The following PCK2 variants were observed in gnomAD, a reference collection of about 807,000 sequenced individuals.
PCK2 encodes phosphoenolpyruvate carboxykinase 2, mitochondrial, also known as phosphoenolpyruvate carboxykinase [GTP], mitochondrial.
Under a neutral mutation model 65.9 loss-of-function variants are expected in PCK2, and 56 were observed. The observed-to-expected ratio is 0.85, with a 90% confidence interval of 0.69 to 1.06. PCK2 has a LOEUF of 1.06. Among genes scored for constraint, PCK2 ranks in the 50% least tolerant of loss-of-function variants. The pLI is 0.00. For synonymous variants in PCK2, 305 were observed against 319.6 expected (o/e 0.95, Z 0.49); for missense variants, 843 against 863.1 (o/e 0.98, Z 0.29).
At position 24,094,556 on chromosome 14, in the gene PCK2, C is replaced by A; in HGVS notation, c.29+122C>A. Reference sequence around the variant, plus strand: ...GTTTCCCATCCTAGGCGGAGGCGGGCAGGGGCGACTGCTGTGGGTCCAGCC... The same window carrying A: ...GTTTCCCATCCTAGGCGGAGGCGGGAAGGGGCGACTGCTGTGGGTCCAGCC... On this transcript the variant is annotated intron_variant, in intron 1 of 9. Transcript: ENST00000216780. The surrounding 1 kb of genome is among the most constrained non-coding windows in gnomAD (Gnocchi z 4.1). 1 of 1,441,128 alleles carries A rather than the reference C, an allele frequency of 6.9e-7. No homozygotes were observed. Among genetic ancestry groups the A allele is most frequent in the Non-Finnish European group, 9.1e-7 (1 of 1,101,654 alleles). The allele number at this position is 1,441,128 out of a possible 1,614,324, so 89.3% of individuals were successfully genotyped here. A position where few individuals can be genotyped will look rare whatever the true frequency, so the allele number is the denominator to read the frequency against.
Position 24,094,367 on chromosome 14 carries a change from C to G in PCK2, c.-39C>G. The G allele has an allele frequency of 6.5e-7, 1 of 1,533,996 alleles. No individual in the cohort carries two copies. Among genetic ancestry groups the G allele is most frequent in the Non-Finnish European group, 8.8e-7 (1 of 1,140,846 alleles). The stretch of plus-strand genomic sequence containing the variant: ...CGCCTTCCATACCTCCCCGGCTCCG[C>G]TCGGTTCCTGGCCACCCCGCAGCCC... On this transcript the variant is annotated 5_prime_UTR_variant, in exon 1 of 10. Coordinates refer to ENST00000216780, the MANE Select transcript of PCK2 (RefSeq NM_004563.4). This position sits in a 1 kb window ranked among gnomAD's most constrained non-coding sequence, Gnocchi z 4.1.
chr14:24,097,564 C>CA (rs61077083), intron 2 of PCK2, among the ~76,000 whole-genome samples: 14 of 138,922 alleles, frequency 1.0e-4, no homozygotes, highest in Admixed American at 2.9e-4. Flanking sequence ...AACTCTGTCT[C>CA]AAAAAAAAAA....
At chr14:24,098,743 T>C in intron 4 of PCK2, 65 bp downstream of exon 4, 1 of 1,358,226 alleles carries the variant, frequency 7.4e-7, no homozygotes, top group Non-Finnish European at 1.0e-6. Flanking sequence ...AAATCCCAAA[T>C]CCTACCTCTC....
At position 24,094,340 on chromosome 14, in the gene PCK2, C is replaced by T; in HGVS notation, c.-66C>T. 6.8e-7 allele frequency: 1 copy of T among 1,466,772 alleles called. No individual in the cohort carries two copies. The highest frequency in any genetic ancestry group is 9.2e-7 in the Non-Finnish European group (1 of 1,085,194). The allele number at this position is 1,466,772 out of a possible 1,614,324, so 90.9% of individuals were successfully genotyped here. A position where few individuals can be genotyped will look rare whatever the true frequency, so the allele number is the denominator to read the frequency against. ...CTCGCTTCGCCGCGCTCCCTCCTTCCCCGCCTTCCATACCTCCCCGGCTCC... is the reference window on the plus strand; with the variant it reads ...CTCGCTTCGCCGCGCTCCCTCCTTCTCCGCCTTCCATACCTCCCCGGCTCC... On this transcript the variant is annotated 5_prime_UTR_variant, in exon 1 of 10. Transcript: ENST00000216780. This position sits in a 1 kb window ranked among gnomAD's most constrained non-coding sequence, Gnocchi z 4.1.
At position 24,094,505 on chromosome 14, in the gene PCK2, G is replaced by T. The variant is rs944054659; in HGVS notation, c.29+71G>T. 2 of 1,457,492 alleles carry T rather than the reference G, an allele frequency of 1.4e-6. No individual in the cohort carries two copies. The highest frequency in any genetic ancestry group is 2.6e-5 in the East Asian group (1 of 39,164). The allele number at this position is 1,457,492 out of a possible 1,614,324, so 90.3% of individuals were successfully genotyped here. ...TCGCCCCCTCGGGGCTGCCAGTGGC[G>T]CTCTCCTGCTCTCAGCCTCCGCCAG... On this transcript the variant is annotated intron_variant, in intron 1 of 9. Coordinates refer to ENST00000216780, the MANE Select transcript of PCK2 (RefSeq NM_004563.4). The surrounding 1 kb of genome is among the most constrained non-coding windows in gnomAD (Gnocchi z 4.1).
Position 24,103,916 on chromosome 14 carries a change from G to A in PCK2, c.1875G>A (p.Glu625=), listed in dbSNP as rs2037277446. Reference sequence around the variant, plus strand: ...AGGTCAACCAGGATCTGCCCAAAGAGGTGTTGGCTGAGCTTGAGGCCCTGG... The same window carrying A: ...AGGTCAACCAGGATCTGCCCAAAGAAGTGTTGGCTGAGCTTGAGGCCCTGG... ...TEQVNQDLPK[E]VLAELEALER... Residue 625 remains glutamate (E), a synonymous_variant, in exon 10 of 10, where the codon GAG becomes GAA. Transcript: ENST00000216780. 1.2e-6 allele frequency: 2 copies of A among 1,614,122 alleles called. No individual in the cohort carries two copies. Among genetic ancestry groups the A allele is most frequent in the Non-Finnish European group, 8.5e-7 (1 of 1,180,040 alleles).
intron 7 of PCK2, 96 bp downstream of exon 7, chr14:24,100,309 T>G (rs1362561376): frequency 6.5e-7 from 1 of 1,535,328 alleles, no homozygotes; most frequent in Non-Finnish European, 8.7e-7. Context: ...CTTCTAGGAC[T>G]GCCAGGAGGC....
Position 24,104,118 on chromosome 14 carries a change from CT to C in PCK2, c.*155del, listed in dbSNP as rs892260032. Reference sequence around the variant, plus strand: ...CTGTCCAATAATAAGAGATGCTTATCTATTTTACACAAGATTTGTGCTGTTT... The same window carrying C: ...CTGTCCAATAATAAGAGATGCTTATCATTTTACACAAGATTTGTGCTGTTT... On this transcript the variant is annotated 3_prime_UTR_variant, in exon 10 of 10. Transcript: ENST00000216780. 1.3e-5 allele frequency: 8 copies of C among 618,280 alleles called. No homozygotes were observed. The African/African-American group carries it at 1.5e-4, about 11-fold the overall frequency. The allele number at this position is 618,280 out of a possible 1,614,324, so 38.3% of individuals were successfully genotyped here. A position where few individuals can be genotyped will look rare whatever the true frequency, so the allele number is the denominator to read the frequency against.
At position 24,099,177 on chromosome 14, in the gene PCK2, G is replaced by T. The variant is rs772326322; in HGVS notation, c.793G>T (p.Ala265Ser). 6.2e-7 allele frequency: 1 copy of T among 1,608,690 alleles called. No homozygotes were observed. The highest frequency in any genetic ancestry group is 1.7e-5 in the Admixed American group (1 of 60,014). ...GNSLLGKKCF[A>S]LRIASRLARD... is the part of the protein sequence containing the mutation. ...CTCCCTGCTGGGCAAGAAGTGCTTT[G>T]CCCTACGCATCGCCTCTCGGCTGGC... is the stretch of plus-strand genomic sequence containing the variant. The change falls in exon 5 of 10, where the codon GCC (alanine) becomes TCC (serine). Residue 265 changes from alanine to serine, a missense_variant. By Grantham distance (99) the Ala-to-Ser change is moderately conservative. Transcript: ENST00000216780.
chr14:24,098,718 T>G (rs750332778), intron 4 of PCK2, 40 bp downstream of exon 4: 1 of 1,553,402 alleles, frequency 6.4e-7, no homozygotes, highest in Non-Finnish European at 8.9e-7. Flanking sequence ...ACAGAGGCCT[T>G]CTTGTACTCA....
At position 24,102,886 on chromosome 14, in the gene PCK2, C is replaced by T. The variant is rs945299391; in HGVS notation, c.1368C>T (p.Pro456=). ...CCATCATCTTTGGTGGCCGCAGACC[C>T]AAAGGTAAACAACATATGAGCTCCA... is the stretch of plus-strand genomic sequence containing the variant. The part of the protein sequence containing the change: ...IDAIIFGGRR[P]KGVPLVYEAF... The change falls in exon 8 of 10, where the codon CCC becomes CCT. Residue 456 remains proline (P), a synonymous_variant. Coordinates refer to ENST00000216780, the MANE Select transcript of PCK2 (RefSeq NM_004563.4). The T allele has an allele frequency of 1.2e-6, 2 of 1,613,220 alleles. No homozygotes were observed. The highest frequency in any genetic ancestry group is 1.7e-6 in the Non-Finnish European group (2 of 1,179,718).
rs1369414793 is a variant in PCK2, at chr14:24,094,720, CCT to C, written c.29+291_29+292del. 1 of 1,501,232 alleles carries C rather than the reference CCT, an allele frequency of 6.7e-7. No homozygotes were observed. The highest frequency in any genetic ancestry group is 2.0e-5 in the Admixed American group (1 of 49,672). The allele number at this position is 1,501,232 out of a possible 1,614,324, so 93.0% of individuals were successfully genotyped here. A position where few individuals can be genotyped will look rare whatever the true frequency, so the allele number is the denominator to read the frequency against. ...TCAGAACTTCCTCTCTCTCCTCGCT[CCT>C]CTCTGCTGAGCCAGGTCTCCGCATA... On this transcript the variant is annotated intron_variant, in intron 1 of 9. Transcript: ENST00000216780. This position sits in a 1 kb window ranked among gnomAD's most constrained non-coding sequence, Gnocchi z 4.1.
In PCK2 at chr14:24,104,067, A is replaced by C. The variant is rs1039395017; in HGVS notation, c.*103A>C. The C allele has an allele frequency of 8.0e-6, 6 of 750,618 alleles. No individual in the cohort carries two copies. In the African/African-American group the frequency reaches 1.0e-4, roughly 13 times the overall value. The allele number at this position is 750,618 out of a possible 1,614,324, so 46.5% of individuals were successfully genotyped here. A position where few individuals can be genotyped will look rare whatever the true frequency, so the allele number is the denominator to read the frequency against. Reference sequence around the variant, plus strand: ...AATTTGATATTAACTAACATCTTCAATGTGCCATAGACCTTCCCACAAAGA... The same window carrying C: ...AATTTGATATTAACTAACATCTTCACTGTGCCATAGACCTTCCCACAAAGA... On this transcript the variant is annotated 3_prime_UTR_variant, in exon 10 of 10. Coordinates refer to ENST00000216780, the MANE Select transcript of PCK2 (RefSeq NM_004563.4).
In PCK2 at chr14:24,094,733, C is replaced by G. The variant is rs1442994355; in HGVS notation, c.29+299C>G. 4.7e-6 allele frequency: 7 copies of G among 1,486,248 alleles called. No homozygotes were observed. In the South Asian group the frequency reaches 8.5e-5, roughly 18 times the overall value. The allele number at this position is 1,486,248 out of a possible 1,614,324, so 92.1% of individuals were successfully genotyped here. ...TCTCTCCTCGCTCCTCTCTGCTGAGCCAGGTCTCCGCATATCCTCCTTTCC... is the reference window on the plus strand; with the variant it reads ...TCTCTCCTCGCTCCTCTCTGCTGAGGCAGGTCTCCGCATATCCTCCTTTCC... On this transcript the variant is annotated intron_variant, in intron 1 of 9. Coordinates refer to ENST00000216780, the MANE Select transcript of PCK2 (RefSeq NM_004563.4). The surrounding 1 kb of genome is among the most constrained non-coding windows in gnomAD (Gnocchi z 4.1).
rs767344259 is a variant in PCK2 at position 24,099,270 on chromosome 14, G to C, written c.852+34G>C. On this transcript the variant is annotated intron_variant, in intron 5 of 9. Coordinates refer to ENST00000216780, the MANE Select transcript of PCK2 (RefSeq NM_004563.4). The stretch of plus-strand genomic sequence containing the variant: ...CTGGTGAGAAGCAGGGCAGCTGCCG[G>C]GGACAGGGCAGGGGTGGGGCCTGGC... The C allele has an allele frequency of 3.8e-6, 6 of 1,570,820 alleles. No homozygotes were observed. The East Asian group carries it at 1.4e-4, about 36-fold the overall frequency.
Position 24,094,753 on chromosome 14 carries a change from C to T in PCK2, c.29+319C>T. The T allele has an allele frequency of 1.4e-6, 2 of 1,457,976 alleles. No individual in the cohort carries two copies. Among genetic ancestry groups the T allele is most frequent in the Non-Finnish European group, 1.8e-6 (2 of 1,097,188 alleles). 90.3% of individuals were successfully genotyped at this position (1,457,976 alleles called of 1,614,324 possible). On this transcript the variant is annotated intron_variant, in intron 1 of 9. Coordinates refer to ENST00000216780, the MANE Select transcript of PCK2 (RefSeq NM_004563.4). The surrounding 1 kb of genome is among the most constrained non-coding windows in gnomAD (Gnocchi z 4.1). ...CTGAGCCAGGTCTCCGCATATCCTC[C>T]TTTCCTTCCCAGATACCTCCCTCGG...
At chr14:24,103,298 A>ACAGGAGAG in intron 9 of PCK2, 43 bp downstream of exon 9, 1 of 1,489,486 alleles carries the variant, frequency 6.7e-7, no homozygotes, top group Non-Finnish European at 9.3e-7. Context: ...GTGTGCACAC[A>ACAGGAGAG]GCACGTCCTC....
chr14:24,103,887 G>A lies in PCK2; in HGVS notation c.1846G>A (p.Glu616Lys), dbSNP rs1275760500. ...TCGTGACATTCGGAGCTACCTGACA[G>A]AGCAGGTCAACCAGGATCTGCCCAA... ...EVRDIRSYLT[E>K]QVNQDLPKEV... The change falls in exon 10 of 10, where the codon GAG (glutamate) becomes AAG (lysine). Residue 616 changes from glutamate to lysine, a missense_variant. Coordinates refer to ENST00000216780, the MANE Select transcript of PCK2 (RefSeq NM_004563.4). 1.2e-6 allele frequency: 2 copies of A among 1,614,048 alleles called. No individual in the cohort carries two copies. Among genetic ancestry groups the A allele is most frequent in the Middle Eastern group, 1.6e-4 (1 of 6,084 alleles).
At chr14:24,098,077 T>C in intron 2 of PCK2, 126 bp from the exon 3 acceptor site, 1 of 732,608 alleles carries the variant, frequency 1.4e-6, no homozygotes, top group Non-Finnish European at 2.2e-6. Context: ...GGGACTGAGA[T>C]GTGATTGGGT....
Sources: allele counts gnomAD v4.1 joint callset (sites outside exome capture counted in the v4.1 genomes callset), GRCh38; gene constraint gnomAD v4.1.1; non-coding constraint Gnocchi (gnomAD v3.1); transcripts MANE v1.5; gene names NCBI Gene and HGNC (gene_info 2026-07-23, HGNC 2026-07-21).